Variants in NOS1 observed in about 807,000 individuals in gnomAD.
NOS1 encodes NOS type I.
In NOS1, 51 loss-of-function variants were observed where a neutral mutation model predicts 164.5. That is an observed-to-expected ratio of 0.31 (90% CI 0.25 to 0.39). The LOEUF (loss-of-function observed/expected upper bound fraction) is 0.39, where lower values mean the gene tolerates loss of function less well. Among genes scored for constraint, NOS1 ranks in the 10% least tolerant of loss-of-function variants. The probability of loss-of-function intolerance (pLI) is 1.00; values close to 1 mark genes in which losing one functional copy is unlikely to be tolerated. For synonymous variants in NOS1, 719 were observed against 745.8 expected, an observed-to-expected ratio of 0.96 and a Z score of 0.59; for missense variants, 1,362 against 1,885.6, an observed-to-expected ratio of 0.72 and a Z score of 5.14.
Position 117,234,471 on chromosome 12 carries a change from G to T in NOS1, c.3235+94C>A. On this transcript the variant is annotated intron_variant, in intron 21 of 28. Transcript: ENST00000317775. This position sits in a 1 kb window ranked among gnomAD's most constrained non-coding sequence, Gnocchi z 4.3. ...GCAACAGACACCCACTCTCCTGCCT[G>T]GACTGGTGATTGGGAAGAAAAGGTA... The T allele has an allele frequency of 1.5e-6, 2 of 1,311,950 alleles. No individual in the cohort carries two copies. Among genetic ancestry groups the T allele is most frequent in the South Asian group, 1.4e-5 (1 of 72,336 alleles). The allele number at this position is 1,311,950 out of a possible 1,614,324, so 81.3% of individuals were successfully genotyped here. A position where few individuals can be genotyped will look rare whatever the true frequency, so the allele number is the denominator to read the frequency against.
Position 117,209,413 on chromosome 12 carries a change from G to A in NOS1, c.*5896C>T, listed in dbSNP as rs117321346. On this transcript the variant is annotated 3_prime_UTR_variant, in exon 29 of 29. Coordinates refer to ENST00000317775, the MANE Select transcript of NOS1 (RefSeq NM_000620.5). ...TAGTGCTAAGGTTGACAGACCCTGC[G>A]CTACAGTCTCCTAGAACTTAGGAGT... is the stretch of plus-strand genomic sequence containing the variant. The A allele has an allele frequency of 2.6e-4, 258 of 985,426 alleles. 2 individuals are homozygous for A. The Admixed American group carries it at 9.0e-3, about 34-fold the overall frequency. 61.0% of individuals were successfully genotyped at this position (985,426 alleles called of 1,614,324 possible).
intron 2 of NOS1, among the ~76,000 whole-genome samples, chr12:117,315,741 T>TC (rs1874641080): frequency 6.6e-6 from 1 of 152,230 alleles, no homozygotes. Context: ...TTGCTGGTTA[T>TC]AAACTGTGCA....
chr12:117,296,995 C>T (rs1252700314), intron 3 of NOS1, among the ~76,000 whole-genome samples: 1 of 152,200 alleles, frequency 6.6e-6, no homozygotes, highest in Non-Finnish European at 1.5e-5. Context: ...CTGTAAATTT[C>T]TGTTGTCTAA....
In NOS1 at chr12:117,330,242, T is replaced by C. The variant is rs1182236237; in HGVS notation, c.725+103A>G. 1.0e-5 allele frequency: 15 copies of C among 1,453,886 alleles called. No homozygotes were observed. Among genetic ancestry groups the C allele is most frequent in the African/African-American group, 2.8e-5 (2 of 70,916 alleles). 90.1% of individuals were successfully genotyped at this position (1,453,886 alleles called of 1,614,324 possible). A position where few individuals can be genotyped will look rare whatever the true frequency, so the allele number is the denominator to read the frequency against. On this transcript the variant is annotated intron_variant, in intron 2 of 28. Coordinates refer to ENST00000317775, the MANE Select transcript of NOS1 (RefSeq NM_000620.5). The surrounding 1 kb of genome is among the most constrained non-coding windows in gnomAD (Gnocchi z 4.6). ...AAACAGGTATCTGAGACAGCCCAGGTTGGCTTCTGGGCTATGAGGCTGAGT... is the reference window on the plus strand; with the variant it reads ...AAACAGGTATCTGAGACAGCCCAGGCTGGCTTCTGGGCTATGAGGCTGAGT...
Position 117,286,164 on chromosome 12 carries a change from G to A in NOS1, c.1230C>T (p.Ala410=). The part of the protein sequence containing the change: ...QLKDTELIYG[A]KHAWRNASRC... ...GCGAGGCATTCCGCCAGGCGTGCTT[G>A]GCCCCATAGATGAGCTCTGTGTCCT... Residue 410 remains alanine, a synonymous_variant, in exon 6 of 29, where the codon GCC becomes GCT. Coordinates refer to ENST00000317775, the MANE Select transcript of NOS1 (RefSeq NM_000620.5). The A allele has an allele frequency of 6.2e-7, 1 of 1,614,214 alleles. No homozygotes were observed. The highest frequency in any genetic ancestry group is 8.5e-7 in the Non-Finnish European group (1 of 1,180,042).
chr12:117,255,987 T>A, intron 16 of NOS1: 1 of 1,478,762 alleles, frequency 6.8e-7, no homozygotes, highest in Non-Finnish European at 8.9e-7. Context: ...TGTGTCACCA[T>A]TGGGGAGGGG....
In NOS1 at chr12:117,214,639, C is replaced by A; in HGVS notation, c.*670G>T. On this transcript the variant is annotated 3_prime_UTR_variant, in exon 29 of 29. Coordinates refer to ENST00000317775, the MANE Select transcript of NOS1 (RefSeq NM_000620.5). ...CCCACTCCTCTCCCCATGCCCTGAA[C>A]CCTTTCTAACTAGAACAATTATGGG... The A allele has an allele frequency of 1.0e-6, 1 of 985,386 alleles. No individual in the cohort carries two copies. 61.0% of individuals were successfully genotyped at this position (985,386 alleles called of 1,614,324 possible).
At chr12:117,242,139 G>A (rs41500645) in intron 20 of NOS1, among the ~76,000 whole-genome samples, 385 of 152,312 alleles carry the variant, frequency 2.5e-3, no homozygotes, top group Non-Finnish European at 4.1e-3. Flanking sequence ...GGTTATATTG[G>A]ATATTAAGCT....
Position 117,208,527 on chromosome 12 carries a change from C to T in NOS1, c.*6782G>A. The T allele has an allele frequency of 8.2e-7, 1 of 1,223,040 alleles. No homozygotes were observed. The highest frequency in any genetic ancestry group is 1.4e-5 in the South Asian group (1 of 70,560). The allele number at this position is 1,223,040 out of a possible 1,614,324, so 75.8% of individuals were successfully genotyped here. ...GCTCTTTGGGCCTTCTGGAAAACCA[C>T]TGCTGAGCCAGGAGTGTGAGTCTTA... is the stretch of plus-strand genomic sequence containing the variant. On this transcript the variant is annotated 3_prime_UTR_variant, in exon 29 of 29. Coordinates refer to ENST00000317775, the MANE Select transcript of NOS1 (RefSeq NM_000620.5).
At chr12:117,269,468 T>G (rs1211840692) in intron 10 of NOS1, among the ~76,000 whole-genome samples, 2 of 141,950 alleles carry the variant, frequency 1.4e-5, no homozygotes, top group Non-Finnish European at 3.1e-5. Context: ...AGATTTGTTT[T>G]TTTTTTTTTT....
chr12:117,209,928 T>C lies in NOS1; in HGVS notation c.*5381A>G. ...CTCCCTGGGAGGCAGGCCCCTTCCCTCAGACCCTCAGACCTGTGTTTCCTT... is the reference window on the plus strand; with the variant it reads ...CTCCCTGGGAGGCAGGCCCCTTCCCCCAGACCCTCAGACCTGTGTTTCCTT... On this transcript the variant is annotated 3_prime_UTR_variant, in exon 29 of 29. Transcript: ENST00000317775. 1 of 985,496 alleles carries C rather than the reference T, an allele frequency of 1.0e-6. No homozygotes were observed. The highest frequency in any genetic ancestry group is 4.7e-5 in the South Asian group (1 of 21,284). 61.0% of individuals were successfully genotyped at this position (985,496 alleles called of 1,614,324 possible). A position where few individuals can be genotyped will look rare whatever the true frequency, so the allele number is the denominator to read the frequency against.
At chr12:117,250,709 A>G (rs1442402262) in intron 17 of NOS1, among the ~76,000 whole-genome samples, 1 of 152,068 alleles carries the variant, frequency 6.6e-6, no homozygotes, top group Non-Finnish European at 1.5e-5. Flanking sequence ...TGACAGGTAG[A>G]CAGAGATGGT....
At chr12:117,298,680 C>T (rs902129890) in intron 3 of NOS1, among the ~76,000 whole-genome samples, 20 of 152,116 alleles carry the variant, frequency 1.3e-4, no homozygotes, top group South Asian at 2.1e-4. Context: ...ACAGGGAGAG[C>T]GCCATGTGAA....
chr12:117,214,865 A>ACG lies in NOS1; in HGVS notation c.*443_*444insCG. Reference sequence around the variant, plus strand: ...CACACACACACACACACACACACACACAGGCACGCACAACCAAAATGTCAT... The same window carrying ACG: ...CACACACACACACACACACACACACACGCAGGCACGCACAACCAAAATGTCAT... On this transcript the variant is annotated 3_prime_UTR_variant, in exon 29 of 29. Transcript: ENST00000317775. The ACG allele has an allele frequency of 1.0e-6, 1 of 966,410 alleles. No homozygotes were observed. Among genetic ancestry groups the ACG allele is most frequent in the Non-Finnish European group, 1.2e-6 (1 of 824,656 alleles). The allele number at this position is 966,410 out of a possible 1,614,324, so 59.9% of individuals were successfully genotyped here.
At chr12:117,329,854 T>C (rs556476865) in intron 2 of NOS1, among the ~76,000 whole-genome samples, 1 of 152,210 alleles carries the variant, frequency 6.6e-6, no homozygotes, top group South Asian at 2.1e-4. Context: ...AGGAGAAAGC[T>C]GATTTAAGCT....
chr12:117,230,812 A>G (rs1403942698), intron 22 of NOS1, among the ~76,000 whole-genome samples: 1 of 152,220 alleles, frequency 6.6e-6, no homozygotes, highest in African/African-American at 2.4e-5. Flanking sequence ...TTGCAGCCAC[A>G]TGGATGGAAC....
chr12:117,313,563 T>C (rs1368864521), intron 2 of NOS1, among the ~76,000 whole-genome samples: 1 of 152,178 alleles, frequency 6.6e-6, no homozygotes, highest in Non-Finnish European at 1.5e-5. Flanking sequence ...CTCAAAGTGC[T>C]GGGATTACAG....
intron 2 of NOS1, among the ~76,000 whole-genome samples, chr12:117,323,190 G>A (rs981871125): frequency 1.3e-5 from 2 of 152,164 alleles, no homozygotes; most frequent in African/African-American, 4.8e-5. Context: ...CAAATGAAGG[G>A]GCCCTTCCAT....
intron 1 of NOS1, among the ~76,000 whole-genome samples, chr12:117,339,490 A>T (rs903094248): frequency 2.0e-5 from 3 of 152,242 alleles, no homozygotes; most frequent in African/African-American, 7.2e-5. Flanking sequence ...AATTTAAAAT[A>T]CATATATCTT....
Sources: gnomAD v4.1 joint callset for allele counts (sites outside exome capture counted in the v4.1 genomes callset) on GRCh38, gnomAD v4.1.1 for gene constraint, Gnocchi (gnomAD v3.1) non-coding constraint, MANE v1.5 for transcripts, NCBI Gene and HGNC (gene_info 2026-07-23, HGNC 2026-07-21) for gene names.